The following MTA3 variants were observed in gnomAD, a reference collection of about 807,000 sequenced individuals.
MTA3 encodes metastasis-associated protein MTA3.
In MTA3, 34 loss-of-function variants were observed where a neutral mutation model predicts 83.5. The observed-to-expected ratio is 0.41, with a 90% CI of 0.31 to 0.54. The LOEUF is 0.54. Among genes scored for constraint, MTA3 ranks in the 20% least tolerant of loss-of-function variants. MTA3 has a pLI of 0.33. For missense variants in MTA3, 761 were observed against 726.4 expected (o/e 1.05, Z -0.55); for synonymous variants, 303 against 252.7 (o/e 1.20, Z -1.89).
chr2:42,548,810 AATATATATATATATATAT>A (rs1187612034), intron 2 of MTA3, among the ~76,000 whole-genome samples: 1 of 66,488 alleles, frequency 1.5e-5, no homozygotes, highest in Non-Finnish European at 2.6e-5. Flanking sequence ...CTCAAAAAAA[AATATATATATATATATAT>A]AATATATATA....
At chr2:42,628,577 A>T (rs1016407574) in intron 4 of MTA3, among the ~76,000 whole-genome samples, 1 of 152,172 alleles carries the variant, frequency 6.6e-6, no homozygotes, top group Non-Finnish European at 1.5e-5. Flanking sequence ...AGATAAACAC[A>T]TTGGCTTTGC....
At chr2:42,669,286 GT>G (rs1314401310) in intron 8 of MTA3, among the ~76,000 whole-genome samples, 1 of 151,992 alleles carries the variant, frequency 6.6e-6, no homozygotes, top group Non-Finnish European at 1.5e-5. Context: ...TTTTCACCAT[GT>G]TTGCCAGGCT....
At chr2:42,614,707 G>A (rs1367672540) in intron 4 of MTA3, among the ~76,000 whole-genome samples, 1 of 152,056 alleles carries the variant, frequency 6.6e-6, no homozygotes, top group Non-Finnish European at 1.5e-5. Context: ...GGGTGCAGTG[G>A]CTCATGCCTG....
chr2:42,524,890 C>G (rs1320895662), intron 2 of MTA3, among the ~76,000 whole-genome samples: 1 of 147,304 alleles, frequency 6.8e-6, no homozygotes, highest in Non-Finnish European at 1.5e-5. Flanking sequence ...CTGAAGGCAT[C>G]CTGGCGGGGA....
At chr2:42,527,810 T>C (rs1341392268) in intron 2 of MTA3, among the ~76,000 whole-genome samples, 3 of 150,356 alleles carry the variant, frequency 2.0e-5, no homozygotes, top group African/African-American at 7.3e-5. Flanking sequence ...GTCAATATAA[T>C]AGGATCATGT....
intron 2 of MTA3, among the ~76,000 whole-genome samples, chr2:42,551,072 TAAA>T (rs1558430321): frequency 8.7e-5 from 13 of 148,700 alleles, no homozygotes; most frequent in African/African-American, 2.6e-4. Flanking sequence ...AATAAATAAA[TAAA>T]TAAATAAATA....
chr2:42,683,779 G>A (rs11679371), intron 9 of MTA3, among the ~76,000 whole-genome samples: 113,517 of 152,020 alleles, frequency 0.75, 42,704 homozygotes, highest in South Asian at 0.88. Context: ...ACCTCAGGGG[G>A]CAGTGGGAGT....
intron 3 of MTA3, among the ~76,000 whole-genome samples, chr2:42,594,721 TATATA>T (rs1162690238): frequency 1.4e-4 from 5 of 36,568 alleles, no homozygotes; most frequent in African/African-American, 8.4e-4. Context: ...TATATATATA[TATATA>T]TATTTTTTTT....
At chr2:42,696,262 T>G (rs912919142) in intron 10 of MTA3, among the ~76,000 whole-genome samples, 1 of 152,224 alleles carries the variant, frequency 6.6e-6, no homozygotes, top group East Asian at 1.9e-4. Flanking sequence ...ACATGACATT[T>G]GTGTGGCTAT....
Position 42,705,068 on chromosome 2 carries a change from A to G in MTA3, c.1150+750A>G, listed in dbSNP as rs77220618. On this transcript the variant is annotated intron_variant, in intron 12 of 16. Transcript: ENST00000405094. ...ACTTGGTGCCCCATTTTGGGTTCTT[A>G]GTAGCTCTTTGAGAGTACATGTAGC... Among the ~76,000 whole-genome samples, 363 of 152,302 alleles carry G rather than the reference A, an allele frequency of 2.4e-3. 15 individuals carry two copies. The East Asian group carries it at 0.065, about 27-fold the overall frequency.
At chr2:42,717,752 T>C (rs1018931925) in intron 14 of MTA3, among the ~76,000 whole-genome samples, 6 of 152,216 alleles carry the variant, frequency 3.9e-5, no homozygotes, top group African/African-American at 1.4e-4. Flanking sequence ...TTATTACTCT[T>C]GCAAATCCCT....
chr2:42,756,038 A>C lies in MTA3; in HGVS notation c.*2639A>C. On this transcript the variant is annotated 3_prime_UTR_variant, in exon 17 of 17. Transcript: ENST00000405094. ...GGCCCACCCAGGAAAATGGATTTCA[A>C]GTGGGGGTTTTCATCCAGAGATTTG... is the stretch of plus-strand genomic sequence containing the variant. 1 of 982,420 alleles carries C rather than the reference A, an allele frequency of 1.0e-6. No individual in the cohort carries two copies. Among genetic ancestry groups the C allele is most frequent in the Non-Finnish European group, 1.2e-6 (1 of 827,202 alleles). 60.9% of individuals were successfully genotyped at this position (982,420 alleles called of 1,614,324 possible).
chr2:42,579,379 G>T (rs1679373901), intron 3 of MTA3, among the ~76,000 whole-genome samples, 179 bp downstream of exon 3: 1 of 148,832 alleles, frequency 6.7e-6, no homozygotes, highest in Non-Finnish European at 1.5e-5. Flanking sequence ...TGGTTTCAGT[G>T]TATATGTGTA....
At chr2:42,581,518 G>A (rs1679637511) in intron 3 of MTA3, among the ~76,000 whole-genome samples, 3 of 151,254 alleles carry the variant, frequency 2.0e-5, no homozygotes, top group Non-Finnish European at 2.9e-5. Flanking sequence ...GAGTACAGGC[G>A]CATCTCACCG....
At chr2:42,500,599 T>A (rs942863686) in intron 2 of MTA3, among the ~76,000 whole-genome samples, 3 of 152,150 alleles carry the variant, frequency 2.0e-5, no homozygotes, top group Admixed American at 6.5e-5. Context: ...TATCTAAGGC[T>A]GAGGCAAGAA....
chr2:42,687,674 C>T (rs1178778867), intron 9 of MTA3, among the ~76,000 whole-genome samples: 1 of 152,200 alleles, frequency 6.6e-6, no homozygotes, highest in Non-Finnish European at 1.5e-5. Flanking sequence ...GACTGAACCA[C>T]ATTTTCCAGA....
intron 9 of MTA3, among the ~76,000 whole-genome samples, chr2:42,690,059 A>G (rs1266989257): frequency 1.3e-5 from 2 of 152,056 alleles, no homozygotes; most frequent in Admixed American, 1.3e-4. Flanking sequence ...AACTGAAGCG[A>G]GAGGATCACT....
chr2:42,540,715 G>C (rs1676480023), intron 2 of MTA3, among the ~76,000 whole-genome samples: 1 of 151,242 alleles, frequency 6.6e-6, no homozygotes. Flanking sequence ...CATGCCTGTA[G>C]TCCTACCTAC....
intron 8 of MTA3, 38 bp downstream of exon 8, chr2:42,659,900 T>A: frequency 6.7e-7 from 1 of 1,494,556 alleles, no homozygotes; most frequent in Non-Finnish European, 9.1e-7. Context: ...TATTTATCCT[T>A]CTGTTACTTG....
Sources: allele counts gnomAD v4.1 joint callset (sites outside exome capture counted in the v4.1 genomes callset), GRCh38; gene constraint gnomAD v4.1.1; transcripts MANE v1.5; gene names NCBI Gene and HGNC (gene_info 2026-07-23, HGNC 2026-07-21).